The following ATOSA variants were observed in gnomAD, a reference collection of about 807,000 sequenced individuals.
ATOSA encodes the protein atos homolog A, also known as atos homolog protein A.
At chr15:52,636,668 C>T in the ATOSA span, among the ~76,000 whole-genome samples, 1 of 152,164 alleles carries the variant, frequency 6.6e-6, no homozygotes, top group African/African-American at 2.4e-5. Flanking sequence ...TTAAGTCACC[C>T]AGTCTATCGT....
chr15:52,608,532 T>G, the ATOSA span: 101 of 1,518,142 alleles, frequency 6.7e-5, no homozygotes, highest in African/African-American at 1.3e-3. Context: ...TAACAAATAT[T>G]TGAGACTTAC....
chr15:52,658,341 G>A, the ATOSA span: 1 of 156,068 alleles, frequency 6.4e-6, no homozygotes, highest in East Asian at 1.9e-4. Flanking sequence ...TTTCTGTGTA[G>A]AGGGAGATAA....
At chr15:52,655,083 T>C in the ATOSA span, among the ~76,000 whole-genome samples, 1 of 152,108 alleles carries the variant, frequency 6.6e-6, no homozygotes, top group Non-Finnish European at 1.5e-5. Context: ...CCCAAGTAAC[T>C]AGAACCAAGT....
the ATOSA span, among the ~76,000 whole-genome samples, chr15:52,606,043 T>G: frequency 2.0e-5 from 3 of 152,116 alleles, no homozygotes; most frequent in African/African-American, 7.2e-5. Context: ...CTTATTGTAC[T>G]GTACTCACCT....
At chr15:52,642,665 T>C in the ATOSA span, among the ~76,000 whole-genome samples, 1 of 152,160 alleles carries the variant, frequency 6.6e-6, no homozygotes, top group South Asian at 2.1e-4. Flanking sequence ...GCCTCCTCTC[T>C]CTCACTTATT....
At chr15:52,689,139 T>C in the ATOSA span, among the ~76,000 whole-genome samples, 3 of 152,212 alleles carry the variant, frequency 2.0e-5, no homozygotes, top group African/African-American at 7.2e-5. Context: ...ATGATCTCGG[T>C]GTGTGCCAGC....
At chr15:52,657,000 T>C in the ATOSA span, 1 of 152,162 alleles carries the variant, frequency 6.6e-6, no homozygotes, top group African/African-American at 2.4e-5. Flanking sequence ...TAAAATAACA[T>C]TTTATGAAAA....
At chr15:52,627,816 C>T in the ATOSA span, among the ~76,000 whole-genome samples, 1,544 of 152,232 alleles carry the variant, frequency 0.01, 24 homozygotes, top group African/African-American at 0.036. Flanking sequence ...TCCTGGGCCT[C>T]AGCCACCAGT....
chr15:52,702,445 A>G, the ATOSA span, among the ~76,000 whole-genome samples: 1 of 152,140 alleles, frequency 6.6e-6, no homozygotes, highest in South Asian at 2.1e-4. Flanking sequence ...AAACAAAATC[A>G]CGTCCTTTGC....
At chr15:52,622,331 T>A in the ATOSA span, among the ~76,000 whole-genome samples, 2 of 152,180 alleles carry the variant, frequency 1.3e-5, no homozygotes, top group East Asian at 1.9e-4. Context: ...AGATTCCATA[T>A]GAGAAACACA....
chr15:52,639,536 T>C, the ATOSA span, among the ~76,000 whole-genome samples: 66 of 152,342 alleles, frequency 4.3e-4, 4 homozygotes, highest in South Asian at 0.013. Flanking sequence ...GTCTGGGAAA[T>C]AGCAATTTAG....
At chr15:52,693,808 C>T in the ATOSA span, among the ~76,000 whole-genome samples, 1 of 152,184 alleles carries the variant, frequency 6.6e-6, no homozygotes, top group Non-Finnish European at 1.5e-5. Context: ...CAGTGAAATG[C>T]TTACTCTAAG....
At chr15:52,699,886 C>T in the ATOSA span, among the ~76,000 whole-genome samples, 1 of 152,258 alleles carries the variant, frequency 6.6e-6, no homozygotes, top group East Asian at 1.9e-4. Context: ...GCCTTCTTGC[C>T]TTTGTTTCTT....
At chr15:52,678,001 T>C in the ATOSA span, 5 of 1,614,008 alleles carry the variant, frequency 3.1e-6, no homozygotes, top group Non-Finnish European at 3.4e-6. Flanking sequence ...AAACAAATCA[T>C]TTACCTCGGT....
chr15:52,590,988 T>C, the ATOSA span, among the ~76,000 whole-genome samples: 2 of 152,248 alleles, frequency 1.3e-5, no homozygotes, highest in African/African-American at 2.4e-5. Context: ...TGTACATCTC[T>C]AGTACTTTCT....
chr15:52,657,819 TA>T, the ATOSA span: 3 of 152,236 alleles, frequency 2.0e-5, no homozygotes. Flanking sequence ...TTAATGTGTG[TA>T]AAATTAATAT....
chr15:52,673,696 T>C, the ATOSA span, among the ~76,000 whole-genome samples: 1 of 152,260 alleles, frequency 6.6e-6, no homozygotes, highest in Admixed American at 6.5e-5. Context: ...ACATCTGCCA[T>C]TTCTTTTGTT....
At chr15:52,680,768 T>C in the ATOSA span, among the ~76,000 whole-genome samples, 4 of 152,250 alleles carry the variant, frequency 2.6e-5, no homozygotes, top group Non-Finnish European at 5.9e-5. Context: ...GAAACAGTTC[T>C]TTAATCTATA....
At chr15:52,617,620 C>A in the ATOSA span, among the ~76,000 whole-genome samples, 4 of 151,762 alleles carry the variant, frequency 2.6e-5, no homozygotes, top group Non-Finnish European at 4.4e-5. Flanking sequence ...TTCAGAGATA[C>A]CTATTGTTAA....
Sources: allele counts gnomAD v4.1 joint callset (sites outside exome capture counted in the v4.1 genomes callset), GRCh38; gene constraint gnomAD v4.1.1; transcripts MANE v1.5; gene names NCBI Gene and HGNC (gene_info 2026-07-23, HGNC 2026-07-21).